Variants in CYP4F3 observed in about 807,000 individuals in gnomAD.
CYP4F3 encodes the protein cytochrome P450 family 4 subfamily F member 3, also known as cytochrome P450 4F3.
Under a neutral mutation model 54.8 loss-of-function variants are expected in CYP4F3, and 50 were observed. The ratio of observed to expected loss-of-function variants is 0.91; its 90% CI spans 0.73 to 1.16. The LOEUF (loss-of-function observed/expected upper bound fraction) is 1.16. Ranked by LOEUF, CYP4F3 falls within the 50% of genes most tolerant of loss-of-function variation. CYP4F3 has a pLI of 0.00. For missense variants in CYP4F3, 715 were observed against 676.2 expected (o/e 1.06, Z -0.64); for synonymous variants, 244 against 262.6 (o/e 0.93, Z 0.69).
chr19:15,642,149 C>T (rs1243526902), intron 2 of CYP4F3, among the ~76,000 whole-genome samples: 1 of 152,200 alleles, frequency 6.6e-6, no homozygotes, highest in Non-Finnish European at 1.5e-5. Context: ...CCACTCACTT[C>T]CCCTTTCAGA....
intron 2 of CYP4F3, chr19:15,643,910 AC>A: frequency 1.9e-6 from 3 of 1,566,478 alleles, no homozygotes; most frequent in South Asian, 1.2e-5. Context: ...CTTGCAGGTC[AC>A]CCCCACGGAG....
chr19:15,658,070 T>G, intron 9 of CYP4F3, 194 bp from the exon 10 acceptor site: 1 of 960,400 alleles, frequency 1.0e-6, no homozygotes, highest in Non-Finnish European at 1.2e-6. Context: ...CTGAGCTCTT[T>G]ATGCTGTTCC....
rs916052481 is a variant in CYP4F3, at chr19:15,652,933, G to T, written c.1096G>T (p.Glu366Ter). ...QEVQELLKDR[E>*]PKEIEWDDLA... ...GGTGCAAGAGCTTCTGAAGGACCGT[G>T]AGCCTAAAGAGATTGAATGGTGAGT... The change falls in exon 9 of 13, where the codon GAG becomes TAG. Residue 366 changes from glutamate (E) to a stop codon, truncating the protein, a stop_gained. Transcript: ENST00000221307. LOFTEE classifies it high-confidence loss of function. 6.2e-7 allele frequency: 1 copy of T among 1,609,266 alleles called. No individual in the cohort carries two copies. The highest frequency in any genetic ancestry group is 1.3e-5 in the African/African-American group (1 of 74,742).
rs762467315 is a variant in CYP4F3 at position 15,658,728 on chromosome 19, T to C, written c.1316T>C (p.Val439Ala). 1 of 1,614,042 alleles carries C rather than the reference T, an allele frequency of 6.2e-7. No individual in the cohort carries two copies. The highest frequency in any genetic ancestry group is 2.2e-5 in the East Asian group (1 of 44,862). The change falls in exon 12 of 13, where the codon GTC (valine) becomes GCC (alanine). Residue 439 changes from valine to alanine, a missense_variant and splice_region_variant. Val to Ala is a moderately conservative substitution (Grantham distance 64, BLOSUM62 0). Transcript: ENST00000221307. Reference protein sequence around the residue: ...HNPAVWPDPEVYDPFRFDPKN... With the variant: ...HNPAVWPDPEAYDPFRFDPKN... ...AACCCTTCTTGGTCTCGCCTCCAGG[T>C]CTATGACCCCTTTCGCTTTGACCCA...
chr19:15,651,403 T>C lies in CYP4F3; in HGVS notation c.919-1166T>C, dbSNP rs187740769. On this transcript the variant is annotated intron_variant, in intron 7 of 12. Transcript: ENST00000221307. ...TTTTTTTTGAGATGGAGTCTCGCTGTGTCACCCAGGCTGGAGTGCAGTGGT... is the reference window on the plus strand; with the variant it reads ...TTTTTTTTGAGATGGAGTCTCGCTGCGTCACCCAGGCTGGAGTGCAGTGGT... Among the ~76,000 whole-genome samples the C allele has an allele frequency of 9.3e-4, 126 of 135,380 alleles. 12 individuals carry two copies. Among genetic ancestry groups the C allele is most frequent in the African/African-American group, 3.2e-3 (121 of 37,740 alleles). 88.8% of individuals were successfully genotyped at this position (135,380 alleles called of 152,430 possible).
At position 15,645,762 on chromosome 19, in the gene CYP4F3, C is replaced by A; in HGVS notation, c.242C>A (p.Ala81Glu). The change falls in exon 3 of 13, where the codon GCA becomes GAA. Residue 81 changes from alanine to glutamate, a missense_variant. Physicochemically the swap from Ala to Glu is moderately radical, Grantham distance 107. Transcript: ENST00000221307. The part of the protein sequence containing the change: ...EEGLLYTQSL[A>E]CTFGDMCCWW... ...GGTCTCCTATACACACAAAGCCTGG[C>A]ATGCACCTTCGGTGATATGTGCTGC... 6.2e-7 allele frequency: 1 copy of A among 1,614,072 alleles called. No homozygotes were observed.
At chr19:15,651,632 C>T (rs1972859380) in intron 7 of CYP4F3, among the ~76,000 whole-genome samples, 1 of 151,774 alleles carries the variant, frequency 6.6e-6, no homozygotes, top group Non-Finnish European at 1.5e-5. Flanking sequence ...CAGGTGTGAG[C>T]CACTGCACCC....
Position 15,659,588 on chromosome 19 carries a change from A to G in CYP4F3, c.*203A>G. The G allele has an allele frequency of 2.1e-6, 2 of 934,578 alleles. No homozygotes were observed. The highest frequency in any genetic ancestry group is 3.1e-6 in the Non-Finnish European group (2 of 643,796). The allele number at this position is 934,578 out of a possible 1,614,324, so 57.9% of individuals were successfully genotyped here. On this transcript the variant is annotated 3_prime_UTR_variant, in exon 13 of 13. Coordinates refer to ENST00000221307, the MANE Select transcript of CYP4F3 (RefSeq NM_000896.3). The stretch of plus-strand genomic sequence containing the variant: ...CCCTATTCACAGTAGCCAAACGATG[A>G]AAACAACCCCAAGCTATATATTACC...
rs1163917796 is a variant in CYP4F3, at chr19:15,651,245, T to C, written c.918+1062T>C. Among the ~76,000 whole-genome samples the C allele has an allele frequency of 2.1e-5, 3 of 140,724 alleles. 1 individual carries two copies. Among genetic ancestry groups the C allele is most frequent in the African/African-American group, 7.7e-5 (3 of 39,182 alleles). 92.3% of individuals were successfully genotyped at this position (140,724 alleles called of 152,430 possible). ...ATATTTTCGTTCTTGTCTATGTCTA[T>C]GTGTCTGTGTCTATGTCTTTTTCTT... On this transcript the variant is annotated intron_variant, in intron 7 of 12. Coordinates refer to ENST00000221307, the MANE Select transcript of CYP4F3 (RefSeq NM_000896.3).
chr19:15,659,100 C>A, intron 12 of CYP4F3, 120 bp from the exon 13 acceptor site: 1 of 1,388,260 alleles, frequency 7.2e-7, no homozygotes. Flanking sequence ...CACGGATACC[C>A]CCTTCTCTGT....
intron 9 of CYP4F3, among the ~76,000 whole-genome samples, chr19:15,656,683 CTTAT>C (rs1973030024): frequency 2.0e-5 from 3 of 151,834 alleles, no homozygotes; most frequent in South Asian, 2.1e-4. Flanking sequence ...TATCTCTCTA[CTTAT>C]TTATCTACCT....
chr19:15,653,315 C>T (rs1240259818), intron 9 of CYP4F3, among the ~76,000 whole-genome samples: 1 of 152,138 alleles, frequency 6.6e-6, no homozygotes, highest in Non-Finnish European at 1.5e-5. Context: ...TAATTCCTAC[C>T]CTTCCATCCA....
At chr19:15,658,159 T>C (rs1007157451) in intron 9 of CYP4F3, 105 bp from the exon 10 acceptor site, 2 of 1,558,308 alleles carry the variant, frequency 1.3e-6, no homozygotes, top group East Asian at 2.3e-5. Context: ...TTTTAAAAAG[T>C]TTATTTCGTT....
chr19:15,654,210 A>T (rs1972954372), intron 9 of CYP4F3, among the ~76,000 whole-genome samples: 6 of 152,198 alleles, frequency 3.9e-5, no homozygotes, highest in Admixed American at 3.9e-4. Flanking sequence ...CTTCTAAAAT[A>T]AAGAATATTT....
rs1568397496 is a variant in CYP4F3, at chr19:15,650,672, C to CTTTCTTTCTTTCTTTCTTTCTTT, written c.918+490_918+512dup. On this transcript the variant is annotated intron_variant, in intron 7 of 12. Coordinates refer to ENST00000221307, the MANE Select transcript of CYP4F3 (RefSeq NM_000896.3). ...CTCCCTGCCTTCTTTTTCTTTCTTT[C>CTTTCTTTCTTTCTTTCTTTCTTT]TTTCTTTCTTTCTTTCTTTCTTTCT... Among the ~76,000 whole-genome samples, 215 of 42,068 alleles carry CTTTCTTTCTTTCTTTCTTTCTTT rather than the reference C, an allele frequency of 5.1e-3. 12 individuals are homozygous for CTTTCTTTCTTTCTTTCTTTCTTT. Among genetic ancestry groups the CTTTCTTTCTTTCTTTCTTTCTTT allele is most frequent in the African/African-American group, 0.02 (145 of 7,114 alleles). 27.6% of individuals were successfully genotyped at this position (42,068 alleles called of 152,430 possible).
intron 2 of CYP4F3, 140 bp from the exon 3 acceptor site, chr19:15,645,579 C>T (rs1972598286): frequency 1.8e-6 from 2 of 1,125,112 alleles, no homozygotes; most frequent in Admixed American, 4.7e-5. Flanking sequence ...GAGGAGGAAG[C>T]CCAGTGGGGG....
chr19:15,641,487 G>T lies in CYP4F3; in HGVS notation c.72G>T (p.Leu24=), dbSNP rs1304173993. ...CATCCCCGTGGCTGCTCCTGCTGCT[G>T]GTTGGGGCCTCCTGGCTCCTGGCCC... ...MAASPWLLLL[L]VGASWLLARI... is the part of the protein sequence containing the mutation. The change falls in exon 2 of 13, where the codon CTG becomes CTT. Residue 24 remains leucine, a synonymous_variant. Transcript: ENST00000221307. 1.9e-6 allele frequency: 3 copies of T among 1,614,116 alleles called. No homozygotes were observed. Among genetic ancestry groups the T allele is most frequent in the East Asian group, 2.2e-5 (1 of 44,890 alleles).
chr19:15,645,951 C>G, intron 3 of CYP4F3, 88 bp downstream of exon 3: 2 of 1,454,010 alleles, frequency 1.4e-6, no homozygotes, highest in Non-Finnish European at 1.8e-6. Flanking sequence ...TCCAGCGGGT[C>G]GCGTGCCCAT....
intron 2 of CYP4F3, chr19:15,643,896 C>T: frequency 6.4e-7 from 1 of 1,552,880 alleles, no homozygotes; most frequent in Non-Finnish European, 8.7e-7. Flanking sequence ...CGGCCCCTGC[C>T]TTGCTTGCAG....
Sources: gnomAD v4.1 joint callset for allele counts (sites outside exome capture counted in the v4.1 genomes callset) on GRCh38, gnomAD v4.1.1 for gene constraint, MANE v1.5 for transcripts, NCBI Gene and HGNC (gene_info 2026-07-23, HGNC 2026-07-21) for gene names.